Variants in CCDC102B observed in about 807,000 individuals in gnomAD.
The protein encoded by CCDC102B is coiled-coil domain-containing protein 102B.
Under a neutral mutation model 57.4 loss-of-function variants are expected in CCDC102B, and 75 were observed. The observed-to-expected ratio is 1.31, with a 90% confidence interval of 1.08 to 1.58. The LOEUF (loss-of-function observed/expected upper bound fraction) is 1.58, where lower values mean the gene tolerates loss of function less well. Ranked by LOEUF, CCDC102B falls within the 40% of genes most tolerant of loss-of-function variation. The pLI, the probability that CCDC102B is intolerant of heterozygous loss-of-function variation, is 0.00. For synonymous variants in CCDC102B, 206 were observed against 201.9 expected (o/e 1.02, Z -0.17); for missense variants, 636 against 582.6 (o/e 1.09, Z -0.94).
At chr18:69,007,478 C>T (rs959625357) in intron 6 of CCDC102B, among the ~76,000 whole-genome samples, 2 of 152,198 alleles carry the variant, frequency 1.3e-5, no homozygotes, top group Non-Finnish European at 2.9e-5. Flanking sequence ...TCTCATTACA[C>T]AGCTAAGTTA....
At chr18:68,792,062 A>G (rs567166362) in intron 2 of CCDC102B, among the ~76,000 whole-genome samples, 39 of 152,336 alleles carry the variant, frequency 2.6e-4, no homozygotes, top group Non-Finnish European at 4.6e-4. Context: ...GCTGAGTTGG[A>G]GAAATCATTC....
intron 5 of CCDC102B, among the ~76,000 whole-genome samples, chr18:68,886,684 A>G (rs1336107113): frequency 1.3e-5 from 2 of 152,116 alleles, no homozygotes; most frequent in African/African-American, 4.8e-5. Flanking sequence ...CACTGACTAC[A>G]TAGTAACCAT....
intron 1 of CCDC102B, among the ~76,000 whole-genome samples, chr18:68,810,615 G>A (rs1467269365): frequency 6.7e-6 from 1 of 149,636 alleles, no homozygotes; most frequent in Non-Finnish European, 1.5e-5. Flanking sequence ...TTCCAGACAG[G>A]TTGGGTTCTC....
intron 2 of CCDC102B, among the ~76,000 whole-genome samples, chr18:68,760,080 TG>T (rs2034203221): frequency 6.6e-6 from 1 of 152,098 alleles, no homozygotes; most frequent in Non-Finnish European, 1.5e-5. Flanking sequence ...TCTACAGGTG[TG>T]ATCCCAAGTG....
At chr18:68,822,518 T>C (rs1438960093) in intron 1 of CCDC102B, among the ~76,000 whole-genome samples, 1 of 152,222 alleles carries the variant, frequency 6.6e-6, no homozygotes, top group Non-Finnish European at 1.5e-5. Context: ...ATTATTATTT[T>C]TGTTTTTTAC....
chr18:68,748,969 G>GTA (rs2033737731), intron 2 of CCDC102B, among the ~76,000 whole-genome samples: 1 of 152,182 alleles, frequency 6.6e-6, no homozygotes. Flanking sequence ...GTAAGGAAGG[G>GTA]ATCCAGTTTC....
At chr18:69,007,239 G>A (rs989517870) in intron 6 of CCDC102B, among the ~76,000 whole-genome samples, 6 of 152,104 alleles carry the variant, frequency 3.9e-5, no homozygotes, top group Non-Finnish European at 7.4e-5. Flanking sequence ...GGCACTCTAT[G>A]AACACAGTTA....
intron 7 of CCDC102B, among the ~76,000 whole-genome samples, chr18:69,034,098 T>A (rs896492695): frequency 2.6e-5 from 4 of 152,152 alleles, no homozygotes; most frequent in Non-Finnish European, 5.9e-5. Context: ...TGGATACAAG[T>A]CCCTTCTCAG....
chr18:68,719,590 T>G (rs1355383201), intron 2 of CCDC102B, among the ~76,000 whole-genome samples: 1 of 152,184 alleles, frequency 6.6e-6, no homozygotes, highest in Non-Finnish European at 1.5e-5. Flanking sequence ...AATTGGATGA[T>G]GCCCCCACCT....
intron 5 of CCDC102B, among the ~76,000 whole-genome samples, chr18:68,876,393 TA>T (rs983562694): frequency 3.9e-5 from 6 of 152,134 alleles, no homozygotes; most frequent in African/African-American, 1.4e-4. Flanking sequence ...TGAATGATGC[TA>T]GGGGGATTGC....
intron 2 of CCDC102B, among the ~76,000 whole-genome samples, chr18:68,790,407 T>C (rs912457029): frequency 1.3e-5 from 2 of 151,924 alleles, no homozygotes; most frequent in Non-Finnish European, 2.9e-5. Context: ...GCCTGGGCAA[T>C]GGCGGGCGCC....
intron 4 of CCDC102B, among the ~76,000 whole-genome samples, chr18:68,852,234 T>G (rs2038161619): frequency 1.3e-5 from 2 of 152,174 alleles, no homozygotes; most frequent in Non-Finnish European, 2.9e-5. Flanking sequence ...GCAATGCCAG[T>G]TTCTTCCCAC....
At chr18:69,027,845 A>G (rs537236151) in intron 7 of CCDC102B, among the ~76,000 whole-genome samples, 21 of 152,256 alleles carry the variant, frequency 1.4e-4, no homozygotes, top group African/African-American at 4.3e-4. Flanking sequence ...TTGTAGTCAT[A>G]CCTCCTCCAT....
At position 68,848,472 on chromosome 18, in the gene CCDC102B, T is replaced by A. The variant is rs543021817; in HGVS notation, c.936+2051T>A. On this transcript the variant is annotated intron_variant, in intron 4 of 7. Transcript: ENST00000360242. The stretch of plus-strand genomic sequence containing the variant: ...TGGAAACAGATGTGCTTAATAGACC[T>A]AGAATTGTAAAAATGCATTTGAAAG... Among the ~76,000 whole-genome samples, 60 of 152,134 alleles carry A rather than the reference T, an allele frequency of 3.9e-4. No individual in the cohort carries two copies. In the Middle Eastern group the frequency reaches 0.01, roughly 26 times the overall value.
chr18:68,964,136 A>G (rs2050113593), intron 6 of CCDC102B, among the ~76,000 whole-genome samples: 1 of 151,874 alleles, frequency 6.6e-6, no homozygotes, highest in Non-Finnish European at 1.5e-5. Context: ...AATGAGTCAG[A>G]TATTTAAGGT....
chr18:68,957,560 T>TTG (rs2049934372), intron 6 of CCDC102B, among the ~76,000 whole-genome samples: 1 of 150,518 alleles, frequency 6.6e-6, no homozygotes, highest in African/African-American at 2.4e-5. Context: ...TCTTCCAGTT[T>TTG]TTTTTTTTTT....
chr18:69,033,704 GT>G lies in CCDC102B; in HGVS notation c.1435-20317del, dbSNP rs367928145. Among the ~76,000 whole-genome samples the G allele has an allele frequency of 6.3e-3, 950 of 150,674 alleles. 12 individuals are homozygous for G. The highest frequency in any genetic ancestry group is 0.022 in the African/African-American group (899 of 41,114). On this transcript the variant is annotated intron_variant, in intron 7 of 7. Coordinates refer to ENST00000360242, the MANE Select transcript of CCDC102B (RefSeq NM_024781.3). ...TGGCATTATTTTTGTGTAGATGTATGTTTTTTTTTCCCTTGGGATTGTGAAA... is the reference window on the plus strand; with the variant it reads ...TGGCATTATTTTTGTGTAGATGTATGTTTTTTTTCCCTTGGGATTGTGAAA...
chr18:68,779,608 C>G (rs991726968), intron 2 of CCDC102B, among the ~76,000 whole-genome samples: 1 of 151,668 alleles, frequency 6.6e-6, no homozygotes, highest in Non-Finnish European at 1.5e-5. Context: ...TGAGTTCTTA[C>G]GGAATATAAT....
chr18:68,796,799 T>C (rs752045863), upstream of CCDC102B, among the ~76,000 whole-genome samples: 1 of 151,134 alleles, frequency 6.6e-6, no homozygotes, highest in Non-Finnish European at 1.5e-5. Context: ...AGGATTGAGG[T>C]GAGTTAGAAA....
Sources: gnomAD v4.1 joint callset for allele counts (sites outside exome capture counted in the v4.1 genomes callset) on GRCh38, gnomAD v4.1.1 for gene constraint, MANE v1.5 for transcripts, NCBI Gene and HGNC (gene_info 2026-07-23, HGNC 2026-07-21) for gene names.